Variants in TRIM40 observed in about 807,000 individuals in gnomAD.
TRIM40 encodes the protein E3 ubiquitin ligase TRIM40.
A neutral mutation model predicts 26.1 loss-of-function variants in TRIM40; 27 were observed. That is an observed-to-expected ratio of 1.04 (90% confidence interval 0.76 to 1.43). The LOEUF is 1.43. Among genes scored for constraint, TRIM40 ranks in the 40% most tolerant of loss-of-function variants. The pLI is 0.00. For missense variants in TRIM40, 289 were observed against 307.9 expected (o/e 0.94, Z 0.46); for synonymous variants, 114 against 120.0 (o/e 0.95, Z 0.33).
chr6:30,137,051 GA>G lies in TRIM40; in HGVS notation c.17del (p.Lys6ArgfsTer16). On this transcript the variant is annotated frameshift_variant, in exon 2 of 6. Coordinates refer to ENST00000396581, the MANE Select transcript of TRIM40 (RefSeq NM_001286633.2). LOFTEE classifies it high-confidence loss of function. ...GGAACGAGGCCATGATCCCTTTGCA[GA>G]AGGACAACCAGGAGGAGGGTGTCTG... Reference protein sequence around the residue: MIPLQKDNQEEGVCPI... With the variant: MIPLQXDNQEEGVCPI... 6.2e-7 allele frequency: 1 copy of G among 1,612,818 alleles called. No individual in the cohort carries two copies.
intron 2 of TRIM40, among the ~76,000 whole-genome samples, chr6:30,143,172 A>G (rs1244341073): frequency 6.6e-6 from 1 of 152,136 alleles, no homozygotes; most frequent in Non-Finnish European, 1.5e-5. Context: ...TCTGAATCAG[A>G]TATTAAATTG....
rs1371257956 is a variant in TRIM40 at position 30,147,114 on chromosome 6, A to G, written c.571A>G (p.Arg191Gly). The change falls in exon 4 of 6, where the codon AGA becomes GGA. Residue 191 changes from arginine (R) to glycine (G), a missense_variant. Coordinates refer to ENST00000396581, the MANE Select transcript of TRIM40 (RefSeq NM_001286633.2). Reference protein sequence around the residue: ...QLEHMPAEAARILDISRAVTQ... With the variant: ...QLEHMPAEAAGILDISRAVTQ... ...GGAGCACATGCCAGCAGAAGCGGCC[A>G]GAATCCTTGACATCTCCAGGGCAGT... 3 of 1,614,140 alleles carry G rather than the reference A, an allele frequency of 1.9e-6. No individual in the cohort carries two copies. Among genetic ancestry groups the G allele is most frequent in the Non-Finnish European group, 2.5e-6 (3 of 1,180,056 alleles).
intron 2 of TRIM40, among the ~76,000 whole-genome samples, chr6:30,145,297 C>T (rs913934454): frequency 3.9e-5 from 6 of 152,128 alleles, no homozygotes; most frequent in Non-Finnish European, 8.8e-5. Flanking sequence ...AATCTCTTCT[C>T]GTTTTGTTTT....
At position 30,137,309 on chromosome 6, in the gene TRIM40, G is replaced by A; in HGVS notation, c.273G>A (p.Val91=). The change falls in exon 2 of 6, where the codon GTG becomes GTA. Residue 91 remains valine, a synonymous_variant. Coordinates refer to ENST00000396581, the MANE Select transcript of TRIM40 (RefSeq NM_001286633.2). ...AGGAGAGCAGACTTCTTCTATGTGT[G>A]GAATGCCTGGTGTCCCCTGAACACA... ...FCEESRLLLC[V]ECLVSPEHMS... is the part of the protein sequence containing the mutation. The A allele has an allele frequency of 6.2e-7, 1 of 1,613,024 alleles. No individual in the cohort carries two copies. Among genetic ancestry groups the A allele is most frequent in the Non-Finnish European group, 8.5e-7 (1 of 1,180,006 alleles).
chr6:30,138,514 TC>T (rs1771150837), intron 2 of TRIM40, among the ~76,000 whole-genome samples: 1 of 152,232 alleles, frequency 6.6e-6, no homozygotes, highest in Non-Finnish European at 1.5e-5. Context: ...CTGCCTTGAT[TC>T]TTTGTGCTGT....
intron 2 of TRIM40, among the ~76,000 whole-genome samples, chr6:30,144,483 G>T (rs1046738983): frequency 6.6e-6 from 1 of 152,162 alleles, no homozygotes; most frequent in African/African-American, 2.4e-5. Flanking sequence ...AGATCTGAAG[G>T]CTCCAGAAAG....
At chr6:30,146,363 G>A (rs1054448936) in intron 3 of TRIM40, among the ~76,000 whole-genome samples, 2 of 152,062 alleles carry the variant, frequency 1.3e-5, no homozygotes, top group East Asian at 1.9e-4. Context: ...CCAGTGTCTC[G>A]TCAACTGAAA....
At position 30,147,868 on chromosome 6, in the gene TRIM40, T is replaced by C. The variant is rs1014413814; in HGVS notation, c.*56T>C. 16 of 1,501,078 alleles carry C rather than the reference T, an allele frequency of 1.1e-5. No individual in the cohort carries two copies. Among genetic ancestry groups the C allele is most frequent in the Non-Finnish European group, 1.5e-5 (16 of 1,077,830 alleles). The allele number at this position is 1,501,078 out of a possible 1,614,324, so 93.0% of individuals were successfully genotyped here. On this transcript the variant is annotated 3_prime_UTR_variant, in exon 6 of 6. Coordinates refer to ENST00000396581, the MANE Select transcript of TRIM40 (RefSeq NM_001286633.2). ...GCTCACCTCAGCCTCCTCTCTCTCCTTCCTCCAACCTGTCCAGGCCCCCAC... is the reference window on the plus strand; with the variant it reads ...GCTCACCTCAGCCTCCTCTCTCTCCCTCCTCCAACCTGTCCAGGCCCCCAC...
chr6:30,136,702 A>G, intron 1 of TRIM40, 31 bp from the exon 2 acceptor site: 1 of 344,044 alleles, frequency 2.9e-6, no homozygotes, highest in Non-Finnish European at 5.3e-6. Flanking sequence ...AGGAAAACAG[A>G]ATTGGTTATT....
chr6:30,147,061 C>T lies in TRIM40; in HGVS notation c.518C>T (p.Ala173Val). The T allele has an allele frequency of 1.2e-6, 2 of 1,613,794 alleles. No homozygotes were observed. The highest frequency in any genetic ancestry group is 1.7e-6 in the Non-Finnish European group (2 of 1,179,830). Reference protein sequence around the residue: ...SQHQTREQLGALPQQWLGQLE... With the variant: ...SQHQTREQLGVLPQQWLGQLE... ...CACCAAACCAGGGAACAGCTGGGTGCCCTCCCTCAGCAGTGGCTGGGCCAG... is the reference window on the plus strand; with the variant it reads ...CACCAAACCAGGGAACAGCTGGGTGTCCTCCCTCAGCAGTGGCTGGGCCAG... The change falls in exon 4 of 6, where the codon GCC (alanine) becomes GTC (valine). Residue 173 changes from alanine to valine, a missense_variant. Transcript: ENST00000396581.
At chr6:30,147,399 A>C (rs1343995032) in intron 4 of TRIM40, 121 bp from the exon 5 acceptor site, 1 of 1,486,948 alleles carries the variant, frequency 6.7e-7, no homozygotes, top group African/African-American at 1.4e-5. Context: ...GGGTGTTGCT[A>C]TGTTCCCCCA....
intron 2 of TRIM40, among the ~76,000 whole-genome samples, chr6:30,141,874 T>C (rs1771366490): frequency 6.6e-6 from 1 of 152,180 alleles, no homozygotes; most frequent in Non-Finnish European, 1.5e-5. Flanking sequence ...AGACAGTATG[T>C]AGCACCAATT....
In TRIM40 at chr6:30,148,716, T is replaced by A. The variant is rs185286617; in HGVS notation, c.*904T>A. 1 of 152,342 alleles carries A rather than the reference T, an allele frequency of 6.6e-6. No homozygotes were observed. The highest frequency in any genetic ancestry group is 1.9e-4 in the East Asian group (1 of 5,194). 9.4% of individuals were successfully genotyped at this position (152,342 alleles called of 1,614,324 possible). A position where few individuals can be genotyped will look rare whatever the true frequency, so the allele number is the denominator to read the frequency against. ...CCCACAGAAACAGTGTGACAATAAA[T>A]GTGTGTGTGTTTTTTTGTTTTCTGT... On this transcript the variant is annotated 3_prime_UTR_variant, in exon 6 of 6. Transcript: ENST00000396581.
intron 3 of TRIM40, among the ~76,000 whole-genome samples, chr6:30,146,749 T>G (rs73426384): frequency 5.7e-4 from 87 of 152,306 alleles, no homozygotes; most frequent in African/African-American, 2.0e-3. Context: ...AGTCTACCTT[T>G]CTATTCCTCT....
chr6:30,146,001 T>TCAATCGC lies in TRIM40; in HGVS notation c.355_361dup (p.Arg121GlnfsTer76). 1.9e-6 allele frequency: 3 copies of TCAATCGC among 1,613,026 alleles called. No individual in the cohort carries two copies. The highest frequency in any genetic ancestry group is 2.5e-6 in the Non-Finnish European group (3 of 1,180,006). Reference sequence around the variant, plus strand: ...GTGTGTCTGTCTCTTTAGGAACGACTCAATCGCCGGAGCAGGAAGCTCAGA... The same window carrying TCAATCGC: ...GTGTGTCTGTCTCTTTAGGAACGACTCAATCGCCAATCGCCGGAGCAGGAAGCTCAGA... On this transcript the variant is annotated frameshift_variant, in exon 3 of 6. Transcript: ENST00000396581. LOFTEE classifies it high-confidence loss of function.
intron 4 of TRIM40, 71 bp from the exon 5 acceptor site, chr6:30,147,449 A>C: frequency 6.2e-7 from 1 of 1,610,870 alleles, no homozygotes; most frequent in South Asian, 1.1e-5. Flanking sequence ...CCAAGAGTGA[A>C]TTGGGAAAGG....
rs1451431440 is a variant in TRIM40 at position 30,147,930 on chromosome 6, C to T, written c.*118C>T. 4.5e-5 allele frequency: 35 copies of T among 773,626 alleles called. No individual in the cohort carries two copies. In the East Asian group the frequency reaches 8.1e-4, roughly 18 times the overall value. The allele number at this position is 773,626 out of a possible 1,614,324, so 47.9% of individuals were successfully genotyped here. ...AGTGCATCTTCGGGCCTGCCAGCTCCTGAACATGTCACCATTTCTTCATGT... is the reference window on the plus strand; with the variant it reads ...AGTGCATCTTCGGGCCTGCCAGCTCTTGAACATGTCACCATTTCTTCATGT... On this transcript the variant is annotated 3_prime_UTR_variant, in exon 6 of 6. Transcript: ENST00000396581.
rs1048701733 is a variant in TRIM40, at chr6:30,136,718, A to G, written c.-304-15A>G. The G allele has an allele frequency of 5.2e-6, 2 of 381,150 alleles. No homozygotes were observed. The highest frequency in any genetic ancestry group is 9.4e-6 in the Non-Finnish European group (2 of 213,208). 23.6% of individuals were successfully genotyped at this position (381,150 alleles called of 1,614,324 possible). ...GGAAAACAGAATTGGTTATTGAATCACTTGCTTCCTCTAGGTGTATGAAAA... is the reference window on the plus strand; with the variant it reads ...GGAAAACAGAATTGGTTATTGAATCGCTTGCTTCCTCTAGGTGTATGAAAA... On this transcript the variant is annotated splice_polypyrimidine_tract_variant and intron_variant, in intron 1 of 5. Transcript: ENST00000396581.
At chr6:30,146,459 T>C (rs1484450281) in intron 3 of TRIM40, among the ~76,000 whole-genome samples, 1 of 152,102 alleles carries the variant, frequency 6.6e-6, no homozygotes, top group Non-Finnish European at 1.5e-5. Context: ...TCGCCCAGGC[T>C]GGAGTGCAGT....
Sources: gnomAD v4.1 joint callset for allele counts (sites outside exome capture counted in the v4.1 genomes callset) on GRCh38, gnomAD v4.1.1 for gene constraint, MANE v1.5 for transcripts, NCBI Gene and HGNC (gene_info 2026-07-23, HGNC 2026-07-21) for gene names.